The following EPHB1 variants were observed in gnomAD, a reference collection of about 807,000 sequenced individuals.
EPHB1 encodes the protein ephrin type-B receptor 1.
Under a neutral mutation model 94.4 loss-of-function variants are expected in EPHB1, and 30 were observed. The ratio of observed to expected loss-of-function variants is 0.32; its 90% CI spans 0.24 to 0.43. EPHB1 has a LOEUF of 0.43. Ranked by LOEUF, EPHB1 falls within the 20% of genes least tolerant of loss-of-function variation. The probability of loss-of-function intolerance (pLI) is 1.00; values close to 1 mark genes in which losing one functional copy is unlikely to be tolerated. For synonymous variants in EPHB1, 522 were observed against 489.1 expected, an observed-to-expected ratio of 1.07 and a Z score of -0.89; for missense variants, 1,055 against 1,308.3, an observed-to-expected ratio of 0.81 and a Z score of 2.99.
chr3:135,059,397 T>A (rs1937432442), intron 3 of EPHB1, among the ~76,000 whole-genome samples: 1 of 152,138 alleles, frequency 6.6e-6, no homozygotes, highest in South Asian at 2.1e-4. Flanking sequence ...GCTCACCCCA[T>A]TACAGGAAGG....
intron 12 of EPHB1, among the ~76,000 whole-genome samples, chr3:135,213,218 GCTCCTGAAATAATGAACAGATCGAATTTT>G (rs1943071234): frequency 6.6e-6 from 1 of 152,130 alleles, no homozygotes; most frequent in Admixed American, 6.5e-5. Flanking sequence ...TTCCCAAGAA[GCTCCTGAAATAATGAACAGATCGAATTTT>G]CTCCTTTGCG....
At chr3:134,827,435 A>G (rs990210680) in intron 1 of EPHB1, among the ~76,000 whole-genome samples, 1 of 152,204 alleles carries the variant, frequency 6.6e-6, no homozygotes, top group African/African-American at 2.4e-5. Context: ...AGTACTGTGC[A>G]GTACTAGTTT....
chr3:135,203,233 C>G (rs1344939627), intron 12 of EPHB1, among the ~76,000 whole-genome samples: 1 of 152,092 alleles, frequency 6.6e-6, no homozygotes, highest in African/African-American at 2.4e-5. Context: ...ACATCACACA[C>G]TGGGGTTTGT....
intron 3 of EPHB1, among the ~76,000 whole-genome samples, chr3:135,078,009 G>C (rs1938006969): frequency 6.6e-6 from 1 of 152,314 alleles, no homozygotes; most frequent in Non-Finnish European, 1.5e-5. Flanking sequence ...TTTTGAAGTA[G>C]GTGCTATTAT....
intron 3 of EPHB1, among the ~76,000 whole-genome samples, chr3:135,103,944 A>G (rs576630309): frequency 6.6e-6 from 1 of 152,336 alleles, no homozygotes; most frequent in Admixed American, 6.5e-5. Flanking sequence ...ACTTGTGGAT[A>G]TCAGGACAAT....
Position 135,050,466 on chromosome 3 carries a change from G to C in EPHB1, c.806-55982G>C, listed in dbSNP as rs145910539. On this transcript the variant is annotated intron_variant, in intron 3 of 15. Coordinates refer to ENST00000398015, the MANE Select transcript of EPHB1 (RefSeq NM_004441.5). Reference sequence around the variant, plus strand: ...AACACTGACAAGTGTTGTGGGCATTGTCTTCCTGGTGCTCATCCTCTTCGT... The same window carrying C: ...AACACTGACAAGTGTTGTGGGCATTCTCTTCCTGGTGCTCATCCTCTTCGT... Among the ~76,000 whole-genome samples the C allele has an allele frequency of 4.5e-3, 690 of 152,298 alleles. 3 individuals carry two copies. Among genetic ancestry groups the C allele is most frequent in the African/African-American group, 0.016 (656 of 41,558 alleles).
chr3:135,213,404 A>G (rs941362684), intron 12 of EPHB1, among the ~76,000 whole-genome samples: 1 of 152,236 alleles, frequency 6.6e-6, no homozygotes, highest in Non-Finnish European at 1.5e-5. Context: ...TTTGGCAGGT[A>G]TATTTCTGAA....
chr3:135,168,977 A>G (rs185102926), intron 9 of EPHB1, among the ~76,000 whole-genome samples: 5 of 152,286 alleles, frequency 3.3e-5, no homozygotes, highest in Non-Finnish European at 7.4e-5. Flanking sequence ...TGGCTGGGGT[A>G]TAGAGGTTCT....
chr3:135,257,836 C>T (rs1054886157), intron 15 of EPHB1, among the ~76,000 whole-genome samples: 2 of 152,184 alleles, frequency 1.3e-5, no homozygotes, highest in African/African-American at 2.4e-5. Flanking sequence ...GCAGTTTGAT[C>T]TCAGACTGCT....
chr3:135,063,298 T>C (rs1482953051), intron 3 of EPHB1, among the ~76,000 whole-genome samples: 1 of 152,226 alleles, frequency 6.6e-6, no homozygotes, highest in Non-Finnish European at 1.5e-5. Context: ...TTTGACAATA[T>C]TGATTCTTCC....
chr3:135,015,180 C>T (rs895896623), intron 3 of EPHB1, among the ~76,000 whole-genome samples: 5 of 152,072 alleles, frequency 3.3e-5, no homozygotes, highest in African/African-American at 1.2e-4. Flanking sequence ...TTCTGTGGGC[C>T]GGACTGCCGC....
chr3:135,019,503 A>C (rs1323575441), intron 3 of EPHB1, among the ~76,000 whole-genome samples: 1 of 152,264 alleles, frequency 6.6e-6, no homozygotes, highest in African/African-American at 2.4e-5. Context: ...GAAATAAAAT[A>C]TGCCTATCGT....
chr3:135,056,333 G>A (rs567539144), intron 3 of EPHB1, among the ~76,000 whole-genome samples: 23 of 152,304 alleles, frequency 1.5e-4, no homozygotes, highest in African/African-American at 5.1e-4. Context: ...GTCAGGCTGC[G>A]TCATCTCTCC....
intron 1 of EPHB1, among the ~76,000 whole-genome samples, chr3:134,811,610 T>C (rs2036181954): frequency 6.6e-6 from 1 of 152,142 alleles, no homozygotes; most frequent in Non-Finnish European, 1.5e-5. Flanking sequence ...AGCACAGATA[T>C]TGTGGACATC....
intron 2 of EPHB1, among the ~76,000 whole-genome samples, chr3:134,941,752 G>GAC (rs3067391): frequency 0.082 from 11,094 of 134,610 alleles, 558 homozygotes; most frequent in African/African-American, 0.13. Flanking sequence ...TATGCACACA[G>GAC]ACACACACAC....
rs1234918558 is a variant in EPHB1, at chr3:135,216,716, C to G, written c.2346+15027C>G. ...CCAACCTGGGCCACAGAGTGACACT[C>G]TGTCTCAGGGAAAAAAAAAAAAAAA... On this transcript the variant is annotated intron_variant, in intron 12 of 15. Coordinates refer to ENST00000398015, the MANE Select transcript of EPHB1 (RefSeq NM_004441.5). Among the ~76,000 whole-genome samples the G allele has an allele frequency of 2.8e-5, 3 of 106,800 alleles. No homozygotes were observed. The East Asian group carries it at 8.7e-4, about 31-fold the overall frequency. The allele number at this position is 106,800 out of a possible 152,430, so 70.1% of individuals were successfully genotyped here. A position where few individuals can be genotyped will look rare whatever the true frequency, so the allele number is the denominator to read the frequency against.
At chr3:134,837,492 T>G (rs2036692978) in intron 1 of EPHB1, among the ~76,000 whole-genome samples, 1 of 152,210 alleles carries the variant, frequency 6.6e-6, no homozygotes, top group Non-Finnish European at 1.5e-5. Context: ...GAGTCCAGGA[T>G]GCTTTGCAAA....
At chr3:134,953,929 G>T (rs749544261) in intron 3 of EPHB1, among the ~76,000 whole-genome samples, 2 of 152,154 alleles carry the variant, frequency 1.3e-5, no homozygotes, top group Non-Finnish European at 2.9e-5. Flanking sequence ...TCCCAGTCTC[G>T]ATCCCCTCCT....
rs1379958406 is a variant in EPHB1 at position 135,154,183 on chromosome 3, C to A, written c.1329C>A (p.Val443=). 5 of 1,613,900 alleles carry A rather than the reference C, an allele frequency of 3.1e-6. No homozygotes were observed. The Admixed American group carries it at 6.7e-5, about 22-fold the overall frequency. Residue 443 remains valine (V), a synonymous_variant, in exon 6 of 16, where the codon GTC becomes GTA. Coordinates refer to ENST00000398015, the MANE Select transcript of EPHB1 (RefSeq NM_004441.5). ...CCACCGTTCCCATCATGCACCAAGT[C>A]AGTGCCACTATGAGGAGCATCACCT... The part of the protein sequence containing the change: ...APSTVPIMHQ[V]SATMRSITLS...
Sources: allele counts gnomAD v4.1 joint callset (sites outside exome capture counted in the v4.1 genomes callset), GRCh38; gene constraint gnomAD v4.1.1; transcripts MANE v1.5; gene names NCBI Gene and HGNC (gene_info 2026-07-23, HGNC 2026-07-21).